SRGAP3: variants seen among roughly 807,000 people sequenced by gnomAD.
SRGAP3 encodes the protein SLIT-ROBO Rho GTPase activating protein 3, also known as SLIT-ROBO Rho GTPase-activating protein 3.
Under a neutral mutation model 121.1 loss-of-function variants are expected in SRGAP3, and 39 were observed. The ratio of observed to expected loss-of-function variants is 0.32; its 90% confidence interval spans 0.25 to 0.42. The LOEUF is 0.42. Among genes scored for constraint, SRGAP3 ranks in the 10% least tolerant of loss-of-function variants. The pLI, the probability that SRGAP3 is intolerant of heterozygous loss-of-function variation, is 1.00. For missense variants in SRGAP3, 1,213 were observed against 1,470.6 expected, an observed-to-expected ratio of 0.82 and a Z score of 2.86; for synonymous variants, 601 against 570.0, an observed-to-expected ratio of 1.05 and a Z score of -0.77.
chr3:9,026,347 T>G (rs1944199640), intron 13 of SRGAP3, among the ~76,000 whole-genome samples: 2 of 152,222 alleles, frequency 1.3e-5, no homozygotes, highest in Non-Finnish European at 2.9e-5. Context: ...AAGTGTAAGC[T>G]ATGCAGGGCA....
intron 1 of SRGAP3, among the ~76,000 whole-genome samples, chr3:9,138,177 A>G (rs144765844): frequency 2.6e-5 from 4 of 152,304 alleles, no homozygotes; most frequent in African/African-American, 4.8e-5. Context: ...CATCTTTACA[A>G]TGTGCCCCTT....
intron 1 of SRGAP3, chr3:9,355,853 C>T (rs1344322243): frequency 1.3e-5 from 2 of 152,206 alleles, no homozygotes; most frequent in South Asian, 2.1e-4. Context: ...TGGTGAGGGC[C>T]TTCTTGCTAT....
chr3:9,111,697 A>G (rs578131124), intron 2 of SRGAP3, among the ~76,000 whole-genome samples: 18 of 152,238 alleles, frequency 1.2e-4, no homozygotes, highest in Non-Finnish European at 2.1e-4. Flanking sequence ...GCCCCTTTGG[A>G]AAGTGGAACC....
intron 2 of SRGAP3, among the ~76,000 whole-genome samples, chr3:9,114,779 C>G (rs1948745572): frequency 6.6e-6 from 1 of 152,224 alleles, no homozygotes; most frequent in South Asian, 2.1e-4. Flanking sequence ...TAGCACTAGG[C>G]AGAGGAAAAG....
chr3:9,335,821 G>A (rs1955683663), intron 1 of SRGAP3, among the ~76,000 whole-genome samples: 1 of 152,074 alleles, frequency 6.6e-6, no homozygotes, highest in East Asian at 1.9e-4. Context: ...AGATTTAAAT[G>A]GTCTGGGATG....
intron 1 of SRGAP3, among the ~76,000 whole-genome samples, chr3:9,337,841 C>T (rs1471404207): frequency 6.6e-6 from 1 of 152,152 alleles, no homozygotes; most frequent in African/African-American, 2.4e-5. Flanking sequence ...TCTTGGAAAA[C>T]AATACATACT....
At chr3:9,005,475 C>T (rs1943019007) in intron 18 of SRGAP3, among the ~76,000 whole-genome samples, 1 of 151,130 alleles carries the variant, frequency 6.6e-6, no homozygotes, top group Admixed American at 6.6e-5. Flanking sequence ...AACTTGCACA[C>T]ACATGTTTGC....
chr3:8,985,346 C>T lies in SRGAP3; in HGVS notation c.*173G>A. 7.3e-7 allele frequency: 1 copy of T among 1,371,294 alleles called. No individual in the cohort carries two copies. The highest frequency in any genetic ancestry group is 1.5e-5 in the South Asian group (1 of 65,556). 84.9% of individuals were successfully genotyped at this position (1,371,294 alleles called of 1,614,324 possible). On this transcript the variant is annotated 3_prime_UTR_variant, in exon 22 of 22. Coordinates refer to ENST00000383836, the MANE Select transcript of SRGAP3 (RefSeq NM_014850.4). The surrounding 1 kb of genome is among the most constrained non-coding windows in gnomAD (Gnocchi z 5.1). ...CGAGAGGTCCGTGGGATTCCCATGG[C>T]TGGACGTGAGCTGCAGCCAGCGCCC... is the stretch of plus-strand genomic sequence containing the variant.
intron 2 of SRGAP3, among the ~76,000 whole-genome samples, chr3:9,123,730 A>ATGTGTGTGTGTGTGTGTG (rs1156597319): frequency 3.5e-4 from 39 of 110,216 alleles, no homozygotes; most frequent in Non-Finnish European, 5.5e-4. Flanking sequence ...ATATATGTAT[A>ATGTGTGTGTGTGTGTGTG]TATGTGTGTG....
chr3:9,173,258 T>A (rs1951054314), intron 1 of SRGAP3, among the ~76,000 whole-genome samples: 1 of 152,180 alleles, frequency 6.6e-6, no homozygotes, highest in Non-Finnish European at 1.5e-5. Flanking sequence ...ACCACCCACA[T>A]AAGCACAGAG....
intron 2 of SRGAP3, among the ~76,000 whole-genome samples, chr3:9,115,433 T>C (rs1169718342): frequency 6.6e-6 from 1 of 152,230 alleles, no homozygotes; most frequent in Non-Finnish European, 1.5e-5. Context: ...TATATATGCA[T>C]ATCAAAGTAT....
chr3:8,991,474 G>A (rs749577052), intron 20 of SRGAP3, among the ~76,000 whole-genome samples: 11 of 152,208 alleles, frequency 7.2e-5, no homozygotes, highest in Non-Finnish European at 1.3e-4. Flanking sequence ...ACTTCAGGGA[G>A]GCTCTGGTGT....
chr3:9,156,218 G>A (rs1338168392), intron 1 of SRGAP3, among the ~76,000 whole-genome samples: 1 of 152,194 alleles, frequency 6.6e-6, no homozygotes, highest in African/African-American at 2.4e-5. Flanking sequence ...AGTTTGGGAG[G>A]GTGTCAGGAG....
intron 3 of SRGAP3, among the ~76,000 whole-genome samples, chr3:9,319,906 G>C (rs1955412466): frequency 6.6e-6 from 1 of 151,910 alleles, no homozygotes; most frequent in Non-Finnish European, 1.5e-5. Context: ...AAAGCCCCGA[G>C]TCAAAAGCAT....
At chr3:9,043,069 C>A (rs1945097916) in intron 10 of SRGAP3, among the ~76,000 whole-genome samples, 1 of 152,200 alleles carries the variant, frequency 6.6e-6, no homozygotes, top group Non-Finnish European at 1.5e-5. Context: ...CAGGTCCCCC[C>A]CATCTCTCCC....
At chr3:9,353,386 T>C (rs2125295629) in intron 1 of SRGAP3, among the ~76,000 whole-genome samples, 1 of 152,380 alleles carries the variant, frequency 6.6e-6, no homozygotes, top group South Asian at 2.1e-4. Context: ...CCCCAGCTCA[T>C]GACCTTCTTC....
chr3:9,339,533 T>C (rs759095003), intron 1 of SRGAP3, among the ~76,000 whole-genome samples: 2 of 152,174 alleles, frequency 1.3e-5, no homozygotes, highest in African/African-American at 2.4e-5. Context: ...CAATGTGATA[T>C]GTGACTGTGG....
At chr3:9,348,730 T>C in intron 1 of SRGAP3, 1 of 1,283,894 alleles carries the variant, frequency 7.8e-7, no homozygotes, top group Middle Eastern at 2.1e-4. Flanking sequence ...GTCTGATCGG[T>C]CTCAATAAAG....
chr3:9,249,131 T>A lies in SRGAP3; in HGVS notation c.-180A>T. The A allele has an allele frequency of 1.5e-6, 1 of 677,202 alleles. No individual in the cohort carries two copies. Among genetic ancestry groups the A allele is most frequent in the Non-Finnish European group, 2.6e-6 (1 of 385,074 alleles). 41.9% of individuals were successfully genotyped at this position (677,202 alleles called of 1,614,324 possible). On this transcript the variant is annotated 5_prime_UTR_variant, in exon 1 of 22. Transcript: ENST00000383836. ...ATCCTTCTCCTTCTGGAAGGAAAAA[T>A]CTCTTTACTTGCCGAGAAATGGCTC...
Sources: gnomAD v4.1 joint callset for allele counts (sites outside exome capture counted in the v4.1 genomes callset) on GRCh38, gnomAD v4.1.1 for gene constraint, Gnocchi (gnomAD v3.1) non-coding constraint, MANE v1.5 for transcripts, NCBI Gene and HGNC (gene_info 2026-07-23, HGNC 2026-07-21) for gene names.